Variants in NLGN4X observed in about 807,000 individuals in gnomAD.
NLGN4X encodes the protein neuroligin-4, X-linked.
In NLGN4X, 3 loss-of-function variants were observed where a neutral mutation model predicts 40.3. That is an observed-to-expected ratio of 0.07 (90% CI 0.03 to 0.19). The LOEUF (loss-of-function observed/expected upper bound fraction) is 0.19. NLGN4X is among the 10% of genes least tolerant of loss of function. The pLI, the probability that NLGN4X is intolerant of heterozygous loss-of-function variation, is 1.00. For synonymous variants in NLGN4X, 270 were observed against 306.8 expected, an observed-to-expected ratio of 0.88 and a Z score of 1.25; for missense variants, 382 against 708.3, an observed-to-expected ratio of 0.54 and a Z score of 5.23.
At chrX:5,897,388 A>C (rs1032840139) in intron 5 of NLGN4X, among the ~76,000 whole-genome samples, 1 of 111,902 alleles carries the variant, frequency 8.9e-6, no homozygotes, top group Non-Finnish European at 1.9e-5. Context: ...GTAATTTTCC[A>C]GGAAAAGGAC....
chrX:6,224,977 C>CATATATATATAT (rs34139921), intron 1 of NLGN4X, among the ~76,000 whole-genome samples: 3 of 52,326 alleles, frequency 5.7e-5, no homozygotes, highest in Admixed American at 2.4e-4. Flanking sequence ...TTAAAATGGC[C>CATATATATATAT]ATATATATAT....
chrX:6,189,557 G>A (rs917508411), intron 1 of NLGN4X, among the ~76,000 whole-genome samples: 3 of 112,130 alleles, frequency 2.7e-5, no homozygotes, highest in African/African-American at 9.7e-5. Flanking sequence ...AGGTTCAGAA[G>A]TTCTCATTTC....
chrX:5,946,650 C>T (rs999331464), intron 3 of NLGN4X, among the ~76,000 whole-genome samples: 1 of 111,102 alleles, frequency 9.0e-6, no homozygotes, highest in African/African-American at 3.3e-5. Flanking sequence ...TCAGAAAGAC[C>T]GCCCATAAAT....
intron 2 of NLGN4X, among the ~76,000 whole-genome samples, chrX:6,116,672 G>C (rs1260092515): frequency 1.9e-5 from 2 of 107,672 alleles, no homozygotes; most frequent in African/African-American, 6.8e-5. Flanking sequence ...TGGAACTATA[G>C]GCATGCGCCA....
intron 2 of NLGN4X, among the ~76,000 whole-genome samples, chrX:6,140,608 C>T (rs1274097090): frequency 9.0e-6 from 1 of 110,744 alleles, no homozygotes; most frequent in Non-Finnish European, 1.9e-5. Context: ...TACAGGGTCT[C>T]ACTGTGTCAC....
intron 3 of NLGN4X, among the ~76,000 whole-genome samples, chrX:5,926,129 C>G (rs1332224807): frequency 1.9e-5 from 2 of 103,964 alleles, no homozygotes; most frequent in East Asian, 6.4e-4. Context: ...TCAGTTTTCA[C>G]AAGATCTGAT....
At chrX:6,012,977 T>C (rs1312754641) in intron 3 of NLGN4X, among the ~76,000 whole-genome samples, 1 of 111,656 alleles carries the variant, frequency 9.0e-6, no homozygotes, top group Non-Finnish European at 1.9e-5. Flanking sequence ...CAGGATCATT[T>C]AGAAAATGTG....
At chrX:5,951,862 A>G (rs962187994) in intron 3 of NLGN4X, among the ~76,000 whole-genome samples, 9 of 112,051 alleles carry the variant, frequency 8.0e-5, no homozygotes, top group South Asian at 3.8e-4. Flanking sequence ...ACTACCGCAA[A>G]TGCTGCAGGA....
intron 1 of NLGN4X, among the ~76,000 whole-genome samples, chrX:6,181,194 T>C (rs1474778816): frequency 2.7e-5 from 3 of 111,482 alleles, no homozygotes; most frequent in Non-Finnish European, 5.6e-5. Flanking sequence ...TGTATGGATG[T>C]AAATAAATTT....
At chrX:5,989,406 GTA>G (rs1473080548) in intron 3 of NLGN4X, among the ~76,000 whole-genome samples, 1 of 112,150 alleles carries the variant, frequency 8.9e-6, no homozygotes, top group Non-Finnish European at 1.9e-5. Context: ...CTCATTTTGG[GTA>G]TATGATTTCT....
At chrX:6,042,685 TTATATATATATATA>T (rs749649054) in intron 2 of NLGN4X, among the ~76,000 whole-genome samples, 339 of 28,420 alleles carry the variant, frequency 0.012, 21 homozygotes, top group Admixed American at 0.016. Context: ...CATAGAGGTT[TTATATATATATATA>T]TATATATATA....
At chrX:6,008,113 C>T (rs895791416) in intron 3 of NLGN4X, among the ~76,000 whole-genome samples, 5 of 112,159 alleles carry the variant, frequency 4.5e-5, no homozygotes, top group African/African-American at 1.6e-4. Flanking sequence ...ATTCACGTAA[C>T]ATAAAGTGAA....
intron 1 of NLGN4X, among the ~76,000 whole-genome samples, chrX:6,175,205 A>G (rs1338620208): frequency 9.0e-6 from 1 of 111,659 alleles, no homozygotes; most frequent in African/African-American, 3.3e-5. Context: ...TTCCTCTGAG[A>G]AAAACAGCAC....
At chrX:6,003,646 G>A (rs2036027776) in intron 3 of NLGN4X, among the ~76,000 whole-genome samples, 2 of 111,849 alleles carry the variant, frequency 1.8e-5, no homozygotes, top group Non-Finnish European at 1.9e-5. Context: ...TCTGGGAAAA[G>A]TCAGCCTAAT....
At chrX:6,035,549 T>A (rs748924157) in intron 2 of NLGN4X, among the ~76,000 whole-genome samples, 2 of 112,144 alleles carry the variant, frequency 1.8e-5, no homozygotes, top group Admixed American at 1.9e-4. Flanking sequence ...TCAGCACCAT[T>A]TATTGAAAAG....
intron 2 of NLGN4X, among the ~76,000 whole-genome samples, chrX:6,108,552 A>G (rs2039080924): frequency 9.0e-6 from 1 of 110,686 alleles, no homozygotes; most frequent in South Asian, 3.9e-4. Flanking sequence ...GGTGGTGTGC[A>G]TATGTAGTAC....
intron 1 of NLGN4X, among the ~76,000 whole-genome samples, chrX:6,199,417 A>G (rs1429564436): frequency 8.9e-6 from 1 of 111,930 alleles, no homozygotes; most frequent in African/African-American, 3.2e-5. Context: ...GAATAAGTTT[A>G]AAAATAGAGG....
intron 2 of NLGN4X, among the ~76,000 whole-genome samples, chrX:6,084,736 T>C (rs2038455321): frequency 9.2e-6 from 1 of 109,247 alleles, no homozygotes; most frequent in South Asian, 4.0e-4. Flanking sequence ...AACAGATGAG[T>C]GTAATTATAA....
At chrX:5,930,295 C>T (rs2033500948) in intron 3 of NLGN4X, among the ~76,000 whole-genome samples, 1 of 112,079 alleles carries the variant, frequency 8.9e-6, no homozygotes, top group South Asian at 3.7e-4. Flanking sequence ...ATGTAGATAA[C>T]ACACAATCTT....
Sources: gnomAD v4.1 joint callset for allele counts (sites outside exome capture counted in the v4.1 genomes callset) on GRCh38, gnomAD v4.1.1 for gene constraint, MANE v1.5 for transcripts, NCBI Gene and HGNC (gene_info 2026-07-23, HGNC 2026-07-21) for gene names.